Variants in FILIP1 observed in about 807,000 individuals in gnomAD.
FILIP1 encodes filamin-A-interacting protein 1.
FILIP1 carries 61 observed loss-of-function variants against 102.1 expected under a neutral mutation model. That is an observed-to-expected ratio of 0.60 (90% CI 0.49 to 0.74). The LOEUF (loss-of-function observed/expected upper bound fraction) is 0.74, where lower values mean the gene tolerates loss of function less well. Among genes scored for constraint, FILIP1 ranks in the 30% least tolerant of loss-of-function variants. The probability of loss-of-function intolerance (pLI) is 0.00; values close to 1 mark genes in which losing one functional copy is unlikely to be tolerated. For synonymous variants in FILIP1, 491 were observed against 526.9 expected (o/e 0.93, Z 0.93); for missense variants, 1,314 against 1,441.2 (o/e 0.91, Z 1.43).
chr6:75,374,399 G>A (rs866460456), intron 2 of FILIP1, among the ~76,000 whole-genome samples: 10 of 152,018 alleles, frequency 6.6e-5, no homozygotes, highest in Non-Finnish European at 1.3e-4. Context: ...TATTTTTTGA[G>A]ACAGAGTCTT....
chr6:75,388,596 A>G (rs1254255583), intron 2 of FILIP1, among the ~76,000 whole-genome samples: 1 of 152,044 alleles, frequency 6.6e-6, no homozygotes, highest in Non-Finnish European at 1.5e-5. Flanking sequence ...GGTCCTTCAC[A>G]TTTCTTGTAA....
At chr6:75,377,550 AAT>A (rs1775786589) in intron 2 of FILIP1, among the ~76,000 whole-genome samples, 1 of 152,222 alleles carries the variant, frequency 6.6e-6, no homozygotes, top group African/African-American at 2.4e-5. Context: ...CCCTATTCAC[AAT>A]AGTCACCACT....
intron 3 of FILIP1, chr6:75,360,886 C>T (rs527324350): frequency 6.6e-6 from 1 of 152,248 alleles, no homozygotes; most frequent in East Asian, 1.9e-4. Context: ...GTTCCTGCCT[C>T]GTGAATTTGG....
In FILIP1 at chr6:75,300,166, T is replaced by C. The variant is rs763382139; in HGVS notation, c.3494-4216A>G. Among the ~76,000 whole-genome samples, 10 of 152,286 alleles carry C rather than the reference T, an allele frequency of 6.6e-5. No homozygotes were observed. The South Asian group carries it at 2.1e-3, about 32-fold the overall frequency. On this transcript the variant is annotated intron_variant, in intron 6 of 6. Coordinates refer to the FILIP1 transcript ENST00000393004. The stretch of plus-strand genomic sequence containing the variant: ...TCTCTAGCAAATAAGGCCACATCAC[T>C]TTAATAGCTAGCCTCTAAGTTCACA...
chr6:75,450,667 A>AG (rs1778598327), intron 1 of FILIP1, among the ~76,000 whole-genome samples: 1 of 151,100 alleles, frequency 6.6e-6, no homozygotes, highest in African/African-American at 2.4e-5. Flanking sequence ...AAAAAAAAAA[A>AG]AAGAGTGGCT....
At chr6:75,376,010 T>C (rs1481236922) in intron 2 of FILIP1, among the ~76,000 whole-genome samples, 1 of 152,216 alleles carries the variant, frequency 6.6e-6, no homozygotes, top group Non-Finnish European at 1.5e-5. Context: ...TGGGCACAGG[T>C]ACATCCTCAA....
exon 7 of FILIP1, chr6:75,295,673 C>G (rs1772648986): frequency 2.9e-6 from 1 of 346,846 alleles, no homozygotes; most frequent in Non-Finnish European, 5.2e-6. Context: ...GAAAGCTTTG[C>G]AAAAAGAAAT....
intron 1 of FILIP1, among the ~76,000 whole-genome samples, chr6:75,419,046 T>G (rs895492438): frequency 6.6e-6 from 1 of 151,840 alleles, no homozygotes; most frequent in African/African-American, 2.4e-5. Flanking sequence ...TACTGTCAGA[T>G]GAAAAATATC....
rs143769783 is a variant in FILIP1 at position 75,410,359 on chromosome 6, G to A, written c.276+4338C>T. 7.7e-3 allele frequency among the ~76,000 whole-genome samples: 1,168 copies of A among 151,518 alleles called. 9 individuals carry two copies. The highest frequency in any genetic ancestry group is 0.021 in the Middle Eastern group (6 of 292). On this transcript the variant is annotated intron_variant, in intron 2 of 5. Coordinates refer to ENST00000237172, the MANE Select transcript of FILIP1 (RefSeq NM_015687.5). ...ATTTTTTTTTTCTTATCTCTAGCCC[G>A]GCAAACCTAGCACATAACTTCCACA...
At chr6:75,421,950 C>T (rs899606597) in intron 1 of FILIP1, among the ~76,000 whole-genome samples, 4 of 152,098 alleles carry the variant, frequency 2.6e-5, no homozygotes, top group African/African-American at 9.7e-5. Flanking sequence ...TGTGATCTTA[C>T]AGCGTGGGTA....
intron 4 of FILIP1, among the ~76,000 whole-genome samples, chr6:75,345,976 A>T (rs1320312937): frequency 6.6e-6 from 1 of 152,146 alleles, no homozygotes; most frequent in African/African-American, 2.4e-5. Context: ...TATGGAATCT[A>T]ATTAACTAAA....
intron 1 of FILIP1, among the ~76,000 whole-genome samples, chr6:75,420,338 T>C (rs558760670): frequency 6.6e-6 from 1 of 151,428 alleles, no homozygotes; most frequent in South Asian, 2.1e-4. Context: ...GGAACTGCCA[T>C]GAAATAAGAA....
Position 75,312,747 on chromosome 6 carries a change from C to T in FILIP1, c.3085G>A (p.Glu1029Lys), listed in dbSNP as rs1396067862. ...AGGATTGTCCGTCCCATGGGCATTT[C>T]CTGGGATTCGGGAGAAACTGCAATC... is the stretch of plus-strand genomic sequence containing the variant. ...AEIAVSPESQ[E>K]MPMGRTILKV... The change falls in exon 5 of 6, where the codon GAA (glutamate) becomes AAA (lysine). Residue 1029 changes from glutamate to lysine, a missense_variant. By Grantham distance (56) the Glu-to-Lys change is moderately conservative. Coordinates refer to ENST00000237172, the MANE Select transcript of FILIP1 (RefSeq NM_015687.5). 22 of 1,613,988 alleles carry T rather than the reference C, an allele frequency of 1.4e-5. No homozygotes were observed. Among genetic ancestry groups the T allele is most frequent in the Non-Finnish European group, 1.8e-5 (21 of 1,180,028 alleles).
At chr6:75,384,920 G>C (rs919477888) in intron 2 of FILIP1, 1 of 148,538 alleles carries the variant, frequency 6.7e-6, no homozygotes, top group Non-Finnish European at 1.5e-5. Context: ...TCAGCCTCCC[G>C]AGTAGCTGGG....
chr6:75,428,982 A>G (rs1233741954), intron 1 of FILIP1, among the ~76,000 whole-genome samples: 3 of 152,176 alleles, frequency 2.0e-5, no homozygotes, highest in South Asian at 2.1e-4. Flanking sequence ...AGCATTTACT[A>G]GCTAGTTTAC....
chr6:75,373,987 T>C (rs539184866), intron 2 of FILIP1, among the ~76,000 whole-genome samples: 21 of 152,080 alleles, frequency 1.4e-4, no homozygotes, highest in Non-Finnish European at 2.5e-4. Flanking sequence ...TGAAACCCCA[T>C]CTCAAAACAA....
At chr6:75,451,889 A>T (rs1383193337) in intron 1 of FILIP1, among the ~76,000 whole-genome samples, 1 of 152,192 alleles carries the variant, frequency 6.6e-6, no homozygotes, top group Non-Finnish European at 1.5e-5. Flanking sequence ...ATGTATGGTG[A>T]GATAAGCACT....
At chr6:75,399,527 A>G (rs929546643) in intron 2 of FILIP1, among the ~76,000 whole-genome samples, 2 of 152,188 alleles carry the variant, frequency 1.3e-5, no homozygotes, top group Admixed American at 6.6e-5. Context: ...TCTTTAGCAT[A>G]AAGTGGAATT....
chr6:75,298,941 A>G (rs1414193534), intron 6 of FILIP1, among the ~76,000 whole-genome samples: 1 of 152,118 alleles, frequency 6.6e-6, no homozygotes, highest in Non-Finnish European at 1.5e-5. Flanking sequence ...GCTTTAAGCC[A>G]TTACATTTTG....
Sources: allele counts gnomAD v4.1 joint callset (sites outside exome capture counted in the v4.1 genomes callset), GRCh38; gene constraint gnomAD v4.1.1; transcripts MANE v1.5; gene names NCBI Gene and HGNC (gene_info 2026-07-23, HGNC 2026-07-21).